UBE2U: variants seen among roughly 807,000 people sequenced by gnomAD.
The protein encoded by UBE2U is ubiquitin conjugating enzyme E2 U, also known as ubiquitin-conjugating enzyme E2 U.
UBE2U carries 39 observed loss-of-function variants against 41.2 expected under a neutral mutation model. The observed-to-expected ratio is 0.95, with a 90% CI of 0.73 to 1.24. UBE2U has a LOEUF of 1.24. Among genes scored for constraint, UBE2U ranks in the 50% most tolerant of loss-of-function variants. The probability of loss-of-function intolerance (pLI) is 0.00; values close to 1 mark genes in which losing one functional copy is unlikely to be tolerated. For missense variants in UBE2U, 336 were observed against 363.1 expected, an observed-to-expected ratio of 0.93 and a Z score of 0.61; for synonymous variants, 107 against 117.8, an observed-to-expected ratio of 0.91 and a Z score of 0.60.
intron 6 of UBE2U, 73 bp from the exon 7 acceptor site, chr1:64,232,488 A>C (rs1570049525): frequency 1.9e-6 from 2 of 1,055,470 alleles, no homozygotes; most frequent in African/African-American, 3.2e-5. Flanking sequence ...TGAACAGTCC[A>C]TATAGCAGTA....
intron 8 of UBE2U, among the ~76,000 whole-genome samples, chr1:64,248,945 C>A (rs1644963608): frequency 1.3e-5 from 2 of 151,956 alleles, no homozygotes; most frequent in South Asian, 4.2e-4. Flanking sequence ...ATAGTGGGGC[C>A]ATATTAGGTA....
In UBE2U at chr1:64,210,788, T is replaced by G; in HGVS notation, c.288T>G (p.Pro96=). 2 of 1,607,950 alleles carry G rather than the reference T, an allele frequency of 1.2e-6. No individual in the cohort carries two copies. The highest frequency in any genetic ancestry group is 1.1e-5 in the South Asian group (1 of 90,200). ...CCTGTATAGACTTTTTGGACAACCC[T>G]GAGAAGTGGAATACAAACTATACAT... ...GQPCIDFLDN[P]EKWNTNYTLS... The change falls in exon 4 of 10, where the codon CCT becomes CCG. Residue 96 remains proline, a synonymous_variant. Transcript: ENST00000371077.
chr1:64,218,745 T>C (rs1652203962), intron 5 of UBE2U, among the ~76,000 whole-genome samples: 1 of 152,264 alleles, frequency 6.6e-6, no homozygotes, highest in South Asian at 2.1e-4. Flanking sequence ...AATATGACTT[T>C]ATAAATACTT....
chr1:64,249,317 G>A (rs1030706814), intron 8 of UBE2U, among the ~76,000 whole-genome samples: 14 of 148,906 alleles, frequency 9.4e-5, no homozygotes, highest in African/African-American at 3.5e-4. Flanking sequence ...GGCGGAGGTT[G>A]CAGTGAGCCG....
chr1:64,239,092 G>GAAGAAGAAGAAGAAA (rs1644737300), intron 7 of UBE2U, among the ~76,000 whole-genome samples: 1 of 42,752 alleles, frequency 2.3e-5, no homozygotes, highest in African/African-American at 1.0e-4. Context: ...AAGAGGAAGA[G>GAAGAAGAAGAAGAAA]GAAGAAGAAG....
chr1:64,232,698 G>GA, intron 7 of UBE2U, 49 bp downstream of exon 7: 4 of 1,437,608 alleles, frequency 2.8e-6, no homozygotes, highest in Non-Finnish European at 2.9e-6. Flanking sequence ...ATGTTAATCT[G>GA]TTAACATTTA....
At chr1:64,254,971 A>G (rs1236774467) in intron 8 of UBE2U, among the ~76,000 whole-genome samples, 1 of 152,176 alleles carries the variant, frequency 6.6e-6, no homozygotes, top group African/African-American at 2.4e-5. Flanking sequence ...TAAAAAATCA[A>G]CAAATTCAGG....
intron 1 of UBE2U, among the ~76,000 whole-genome samples, 195 bp downstream of exon 1, chr1:64,204,311 T>A (rs1651153301): frequency 2.0e-5 from 3 of 152,216 alleles, no homozygotes; most frequent in South Asian, 4.1e-4. Context: ...AAAATAATAA[T>A]GCTTAACAAT....
chr1:64,254,409 C>T (rs1645059639), intron 8 of UBE2U, among the ~76,000 whole-genome samples: 2 of 151,762 alleles, frequency 1.3e-5, no homozygotes, highest in African/African-American at 4.8e-5. Flanking sequence ...GTCAGGTGGA[C>T]CTAATAGATA....
intron 6 of UBE2U, among the ~76,000 whole-genome samples, chr1:64,228,168 T>A (rs1483326132): frequency 2.0e-5 from 3 of 152,232 alleles, no homozygotes; most frequent in African/African-American, 7.2e-5. Flanking sequence ...TAAGATGTAC[T>A]AGAAAACGAC....
At chr1:64,240,555 C>G (rs1570092680) in intron 7 of UBE2U, among the ~76,000 whole-genome samples, 2 of 152,282 alleles carry the variant, frequency 1.3e-5, no homozygotes, top group South Asian at 4.1e-4. Context: ...GTAATTCATT[C>G]AGAACCTGGA....
chr1:64,260,505 T>C (rs1185736502), intron 8 of UBE2U, 98 bp from the exon 9 acceptor site: 2 of 899,000 alleles, frequency 2.2e-6, no homozygotes, highest in African/African-American at 3.4e-5. Context: ...TGTTCTACTT[T>C]TATGTTTCAT....
intron 4 of UBE2U, among the ~76,000 whole-genome samples, chr1:64,214,295 TA>T (rs1651843095): frequency 6.6e-6 from 1 of 152,188 alleles, no homozygotes; most frequent in Admixed American, 6.5e-5. Context: ...GCTGAATTTT[TA>T]ATTTTATTTA....
chr1:64,238,779 C>T (rs1057259710), intron 7 of UBE2U, among the ~76,000 whole-genome samples: 1 of 151,980 alleles, frequency 6.6e-6, no homozygotes, highest in African/African-American at 2.4e-5. Context: ...CAGTGGTTCA[C>T]ATCTGTAATC....
intron 9 of UBE2U, among the ~76,000 whole-genome samples, chr1:64,261,233 G>A (rs1415845994): frequency 6.6e-6 from 1 of 152,078 alleles, no homozygotes; most frequent in Non-Finnish European, 1.5e-5. Flanking sequence ...GAGAACTTAG[G>A]TTCAGATTCC....
At chr1:64,205,743 T>G (rs779393909) in intron 2 of UBE2U, 23 bp downstream of exon 2, 1 of 1,596,982 alleles carries the variant, frequency 6.3e-7, no homozygotes, top group Admixed American at 1.7e-5. Flanking sequence ...AAAACCAATC[T>G]ATTTTTTAAA....
chr1:64,254,921 T>C lies in UBE2U; in HGVS notation c.678-5682T>C, dbSNP rs182536052. Among the ~76,000 whole-genome samples the C allele has an allele frequency of 3.3e-5, 5 of 150,906 alleles. No individual in the cohort carries two copies. In the East Asian group the frequency reaches 5.9e-4, roughly 18 times the overall value. ...AATAGAAGACAAGAAATAACCAAGATCAGAGTGGAACTGAATGAGATAGAG... is the reference window on the plus strand; with the variant it reads ...AATAGAAGACAAGAAATAACCAAGACCAGAGTGGAACTGAATGAGATAGAG... On this transcript the variant is annotated intron_variant, in intron 8 of 9. Coordinates refer to ENST00000371077, the MANE Select transcript of UBE2U (RefSeq NM_001366232.2).
At chr1:64,245,488 G>A (rs1644905840) in intron 8 of UBE2U, among the ~76,000 whole-genome samples, 1 of 152,150 alleles carries the variant, frequency 6.6e-6, no homozygotes, top group African/African-American at 2.4e-5. Context: ...AAACTTATCA[G>A]TCCTGGTGGT....
At chr1:64,206,676 A>C in intron 2 of UBE2U, 88 bp from the exon 3 acceptor site, 1 of 785,674 alleles carries the variant, frequency 1.3e-6, no homozygotes. Context: ...GAAAGACTAA[A>C]CCATAGGGAG....
Sources: gnomAD v4.1 joint callset for allele counts (sites outside exome capture counted in the v4.1 genomes callset) on GRCh38, gnomAD v4.1.1 for gene constraint, MANE v1.5 for transcripts, NCBI Gene and HGNC (gene_info 2026-07-23, HGNC 2026-07-21) for gene names.